ADGB: variants seen among roughly 807,000 people sequenced by gnomAD.
The protein encoded by ADGB is calpain-7-like protein.
In ADGB, 172 loss-of-function variants were observed where a neutral mutation model predicts 210.5. The observed-to-expected ratio is 0.82, with a 90% confidence interval of 0.72 to 0.93. The LOEUF (loss-of-function observed/expected upper bound fraction) is 0.93. ADGB is among the 40% of genes least tolerant of loss of function. The pLI is 0.00. For missense variants in ADGB, 2,025 were observed against 1,964.8 expected (o/e 1.03, Z -0.58); for synonymous variants, 658 against 662.7 (o/e 0.99, Z 0.11).
rs1272388095 is a variant in ADGB at position 146,672,482 on chromosome 6, A to G, written c.1087+15A>G. 1 of 1,521,576 alleles carries G rather than the reference A, an allele frequency of 6.6e-7. No individual in the cohort carries two copies. Among genetic ancestry groups the G allele is most frequent in the Non-Finnish European group, 8.8e-7 (1 of 1,135,922 alleles). 94.3% of individuals were successfully genotyped at this position (1,521,576 alleles called of 1,614,324 possible). ...AGTTCCAAAGGGTAAGATATTTTACATCAAAATGTGATTCAGTATGGACAT... is the reference window on the plus strand; with the variant it reads ...AGTTCCAAAGGGTAAGATATTTTACGTCAAAATGTGATTCAGTATGGACAT... On this transcript the variant is annotated intron_variant, in intron 8 of 35. Coordinates refer to ENST00000397944, the MANE Select transcript of ADGB (RefSeq NM_024694.4).
At chr6:146,796,375 C>A (rs1778042602) in intron 33 of ADGB, among the ~76,000 whole-genome samples, 1 of 152,014 alleles carries the variant, frequency 6.6e-6, no homozygotes, top group South Asian at 2.1e-4. Flanking sequence ...CAAAAAAGAG[C>A]CTACATAGTG....
At chr6:146,802,783 A>T in intron 35 of ADGB, 2 of 1,603,768 alleles carry the variant, frequency 1.2e-6, no homozygotes, top group Non-Finnish European at 1.7e-6. Flanking sequence ...CCTCTTTAGT[A>T]GATGAAATCT....
At chr6:146,652,524 T>C (rs1205060580) in intron 3 of ADGB, among the ~76,000 whole-genome samples, 1 of 152,178 alleles carries the variant, frequency 6.6e-6, no homozygotes, top group Non-Finnish European at 1.5e-5. Flanking sequence ...ACTGTTTTCA[T>C]GTTAATTTGG....
At chr6:146,793,174 ATGAGTGGCGCATTTTACAGAGCGC>A (rs1777976694) in intron 33 of ADGB, among the ~76,000 whole-genome samples, 3 of 152,006 alleles carry the variant, frequency 2.0e-5, no homozygotes, top group Non-Finnish European at 4.4e-5. Context: ...TAGACTCCTG[ATGAGTGGCGCATTTTACAGAGCGC>A]TGATTGGTGC....
Position 146,661,259 on chromosome 6 carries a change from C to T in ADGB, c.613-2942C>T, listed in dbSNP as rs532249032. Among the ~76,000 whole-genome samples the T allele has an allele frequency of 1.8e-3, 227 of 123,226 alleles. 2 individuals carry two copies. The highest frequency in any genetic ancestry group is 7.1e-3 in the Admixed American group (65 of 9,170). The allele number at this position is 123,226 out of a possible 152,430, so 80.8% of individuals were successfully genotyped here. On this transcript the variant is annotated intron_variant, in intron 5 of 35. Transcript: ENST00000397944. ...TTTTGGAGATAGGGTCTGACTCTGT[C>T]GCTCAGGCTGGAGTGTAGTGGCACA...
intron 13 of ADGB, among the ~76,000 whole-genome samples, chr6:146,709,290 G>A (rs1776623298): frequency 6.6e-6 from 1 of 151,938 alleles, no homozygotes; most frequent in African/African-American, 2.4e-5. Flanking sequence ...ATTGTTCTTG[G>A]TCCTTGTAAC....
At chr6:146,733,846 G>T (rs757443672) in intron 21 of ADGB, 47 bp from the exon 22 acceptor site, 1 of 1,547,904 alleles carries the variant, frequency 6.5e-7, no homozygotes, top group African/African-American at 1.4e-5. Context: ...ACTTAGGGAA[G>T]GGATTAAATA....
intron 23 of ADGB, among the ~76,000 whole-genome samples, chr6:146,737,756 G>A (rs1052006861): frequency 1.3e-5 from 2 of 152,172 alleles, no homozygotes; most frequent in Non-Finnish European, 2.9e-5. Context: ...GCTAAAAAGT[G>A]AGTGTCCCTA....
At chr6:146,723,769 G>C (rs1050775344) in intron 17 of ADGB, among the ~76,000 whole-genome samples, 1 of 151,778 alleles carries the variant, frequency 6.6e-6, no homozygotes, top group Non-Finnish European at 1.5e-5. Flanking sequence ...ATAAACAGTG[G>C]GATATTTGGA....
intron 12 of ADGB, among the ~76,000 whole-genome samples, chr6:146,695,630 T>C (rs1014812333): frequency 6.6e-6 from 1 of 151,756 alleles, no homozygotes; most frequent in Non-Finnish European, 1.5e-5. Flanking sequence ...AAATTAAAAA[T>C]TAATTTCCTT....
chr6:146,785,490 T>C, intron 31 of ADGB, 120 bp from the exon 32 acceptor site: 1 of 599,500 alleles, frequency 1.7e-6, no homozygotes, highest in South Asian at 3.0e-5. Flanking sequence ...TCATTTAGAC[T>C]GCCCTATTTA....
rs2114865432 is a variant in ADGB at position 146,641,022 on chromosome 6, T to G, written c.238-3751T>G. On this transcript the variant is annotated intron_variant, in intron 2 of 35. Transcript: ENST00000397944. ...CTATATCTAGAAAACCCCACAGTCT[T>G]GTCCCAAAAGCTCCTGCAGCTGATA... Among the ~76,000 whole-genome samples, 2 of 152,030 alleles carry G rather than the reference T, an allele frequency of 1.3e-5. 1 individual carries two copies. The highest frequency in any genetic ancestry group is 4.1e-4 in the South Asian group (2 of 4,822).
In ADGB at chr6:146,788,313, C is replaced by G; in HGVS notation, c.4316-76C>G. On this transcript the variant is annotated intron_variant, in intron 32 of 35. Transcript: ENST00000397944. ...ATCTGCTCTAAATCTGTGCTCCCAT[C>G]ATCAAGCCCTGTTACTGTTTGCATG... The G allele has an allele frequency of 4.6e-6, 6 of 1,312,290 alleles. No individual in the cohort carries two copies. In the South Asian group the frequency reaches 5.2e-5, roughly 11 times the overall value. The allele number at this position is 1,312,290 out of a possible 1,614,324, so 81.3% of individuals were successfully genotyped here.
intron 1 of ADGB, 118 bp downstream of exon 1, chr6:146,599,232 G>T (rs1016579463): frequency 1.1e-6 from 1 of 878,182 alleles, no homozygotes; most frequent in Non-Finnish European, 1.9e-6. Flanking sequence ...TGGCCTCCTC[G>T]CAGCTTGTCT....
intron 10 of ADGB, among the ~76,000 whole-genome samples, chr6:146,686,536 C>A (rs1223755508): frequency 6.6e-6 from 1 of 152,024 alleles, no homozygotes; most frequent in South Asian, 2.1e-4. Flanking sequence ...ATATTGTTAA[C>A]ATTTTTTTCA....
Position 146,650,809 on chromosome 6 carries a change from C to T in ADGB, c.331-3326C>T, listed in dbSNP as rs551529093. On this transcript the variant is annotated intron_variant, in intron 3 of 35. Transcript: ENST00000397944. Reference sequence around the variant, plus strand: ...CAGACACAAACGCCAACGGATCTGACGCAGACAGAGTGCTCCAAACTAATC... The same window carrying T: ...CAGACACAAACGCCAACGGATCTGATGCAGACAGAGTGCTCCAAACTAATC... 2.0e-4 allele frequency among the ~76,000 whole-genome samples: 31 copies of T among 152,172 alleles called. No homozygotes were observed. In the South Asian group the frequency reaches 4.8e-3, roughly 23 times the overall value.
chr6:146,812,929 AATGGCCGTGTTGCATG>A (rs1778323733), intron 35 of ADGB, among the ~76,000 whole-genome samples: 2 of 152,222 alleles, frequency 1.3e-5, no homozygotes, highest in Non-Finnish European at 2.9e-5. Context: ...TTGGGAAAAG[AATGGCCGTGTTGCATG>A]ACTCAGCCTC....
chr6:146,809,109 T>C (rs1778259796), intron 35 of ADGB, among the ~76,000 whole-genome samples: 1 of 151,918 alleles, frequency 6.6e-6, no homozygotes, highest in Non-Finnish European at 1.5e-5. Context: ...CTACTTGAGA[T>C]AATGGGAATA....
chr6:146,695,136 A>C (rs1203540467), intron 12 of ADGB, among the ~76,000 whole-genome samples: 1 of 152,198 alleles, frequency 6.6e-6, no homozygotes, highest in Non-Finnish European at 1.5e-5. Flanking sequence ...CAATGACCCT[A>C]ACATTCAATG....
Sources: allele counts gnomAD v4.1 joint callset (sites outside exome capture counted in the v4.1 genomes callset), GRCh38; gene constraint gnomAD v4.1.1; transcripts MANE v1.5; gene names NCBI Gene and HGNC (gene_info 2026-07-23, HGNC 2026-07-21).